PABPC4L: variants seen among roughly 807,000 people sequenced by gnomAD.
PABPC4L encodes the protein polyadenylate-binding protein 4-like.
For missense variants in PABPC4L, 452 were observed against 451.4 expected (o/e 1.00, Z -0.01); for synonymous variants, 169 against 164.1 (o/e 1.03, Z -0.23).
the PABPC4L span, among the ~76,000 whole-genome samples, chr4:134,006,434 C>T: frequency 1.3e-5 from 2 of 151,870 alleles, no homozygotes; most frequent in East Asian, 3.9e-4. Context: ...CCTTCTCCTC[C>T]TCTTAAGAAG....
the PABPC4L span, among the ~76,000 whole-genome samples, chr4:133,998,846 A>G: frequency 6.6e-6 from 1 of 151,876 alleles, no homozygotes; most frequent in Non-Finnish European, 1.5e-5. Context: ...ATTCATTTGA[A>G]TGTTTTAATT....
chr4:134,023,739 G>A, the PABPC4L span, among the ~76,000 whole-genome samples: 1 of 151,854 alleles, frequency 6.6e-6, no homozygotes, highest in Non-Finnish European at 1.5e-5. Context: ...ACTGAATAAT[G>A]TATTGATTTT....
the PABPC4L span, among the ~76,000 whole-genome samples, chr4:134,151,485 A>G: frequency 6.6e-6 from 1 of 152,056 alleles, no homozygotes; most frequent in African/African-American, 2.4e-5. Context: ...CCTGATATAA[A>G]CAATGTTCAT....
the PABPC4L span, among the ~76,000 whole-genome samples, chr4:134,010,180 G>A: frequency 6.6e-6 from 1 of 151,596 alleles, no homozygotes. Flanking sequence ...AAATATTAAG[G>A]GTATAATAAT....
chr4:134,042,267 G>C, the PABPC4L span, among the ~76,000 whole-genome samples: 1 of 152,042 alleles, frequency 6.6e-6, no homozygotes, highest in African/African-American at 2.4e-5. Context: ...ATGCAGAGTG[G>C]TACAATGGAC....
the PABPC4L span, among the ~76,000 whole-genome samples, chr4:134,007,740 AT>A: frequency 6.6e-6 from 1 of 151,746 alleles, no homozygotes; most frequent in African/African-American, 2.4e-5. Context: ...ATTTTTAAAA[AT>A]ATCTGTATGA....
chr4:133,962,585 G>A, the PABPC4L span, among the ~76,000 whole-genome samples: 1 of 152,108 alleles, frequency 6.6e-6, no homozygotes, highest in African/African-American at 2.4e-5. Context: ...GAAGCACCAG[G>A]TAACCTATAA....
the PABPC4L span, among the ~76,000 whole-genome samples, chr4:134,076,860 C>A: frequency 6.6e-6 from 1 of 152,154 alleles, no homozygotes; most frequent in Admixed American, 6.6e-5. Context: ...TATGTGTATA[C>A]ATTTTGAAAG....
At chr4:133,999,855 A>T in the PABPC4L span, among the ~76,000 whole-genome samples, 1 of 152,090 alleles carries the variant, frequency 6.6e-6, no homozygotes, top group Admixed American at 6.6e-5. Flanking sequence ...TGAAGGGAAA[A>T]TACTTAAATT....
the PABPC4L span, among the ~76,000 whole-genome samples, chr4:134,079,461 C>T: frequency 1.3e-5 from 2 of 150,916 alleles, no homozygotes; most frequent in Admixed American, 1.3e-4. Context: ...CGCCTGTAGT[C>T]CCAGCTACTC....
At chr4:134,109,957 C>T in the PABPC4L span, among the ~76,000 whole-genome samples, 1 of 151,968 alleles carries the variant, frequency 6.6e-6, no homozygotes. Context: ...TTTATAGCTA[C>T]TGAACAAAAA....
At chr4:134,134,492 A>AT in the PABPC4L span, among the ~76,000 whole-genome samples, 4 of 151,796 alleles carry the variant, frequency 2.6e-5, no homozygotes, top group African/African-American at 7.3e-5. Flanking sequence ...AAGCAAAGTA[A>AT]TTTTTTTAAA....
the PABPC4L span, among the ~76,000 whole-genome samples, chr4:134,184,109 G>A: frequency 6.6e-6 from 1 of 151,918 alleles, no homozygotes; most frequent in East Asian, 1.9e-4. Flanking sequence ...AATAAAGAGT[G>A]TATGACACTG....
chr4:133,981,455 T>A, the PABPC4L span, among the ~76,000 whole-genome samples: 1 of 152,128 alleles, frequency 6.6e-6, no homozygotes, highest in East Asian at 1.9e-4. Flanking sequence ...AAAAAATAGA[T>A]GTGCTCAATT....
chr4:134,100,211 G>A, the PABPC4L span, among the ~76,000 whole-genome samples: 1 of 151,614 alleles, frequency 6.6e-6, no homozygotes, highest in Non-Finnish European at 1.5e-5. Flanking sequence ...TGATTTAAGA[G>A]CATCGAACAA....
downstream of PABPC4L, among the ~76,000 whole-genome samples, chr4:134,192,456 C>G (rs1171992020): frequency 6.6e-6 from 1 of 151,930 alleles, no homozygotes; most frequent in Admixed American, 6.6e-5. Flanking sequence ...AATTAAATAG[C>G]GGTGATTTTG....
the PABPC4L span, among the ~76,000 whole-genome samples, chr4:134,016,286 T>C: frequency 2.0e-5 from 3 of 152,166 alleles, no homozygotes; most frequent in African/African-American, 7.2e-5. Context: ...TCAATATTTA[T>C]ACTGACTCTA....
chr4:133,996,277 T>C, the PABPC4L span, among the ~76,000 whole-genome samples: 939 of 152,174 alleles, frequency 6.2e-3, 13 homozygotes, highest in Middle Eastern at 0.048. Context: ...ATTAGAGATG[T>C]TATTGGGACC....
chr4:134,095,485 C>T, the PABPC4L span, among the ~76,000 whole-genome samples: 1 of 151,852 alleles, frequency 6.6e-6, no homozygotes, highest in East Asian at 1.9e-4. Context: ...TAGTGATATT[C>T]AGAAAATAGA....
Sources: allele counts gnomAD v4.1 joint callset (sites outside exome capture counted in the v4.1 genomes callset), GRCh38; gene constraint gnomAD v4.1.1; transcripts MANE v1.5; gene names NCBI Gene and HGNC (gene_info 2026-07-23, HGNC 2026-07-21).